DOCK3: variants seen among roughly 807,000 people sequenced by gnomAD.
The protein encoded by DOCK3 is dedicator of cytokinesis 3.
Under a neutral mutation model 265.6 loss-of-function variants are expected in DOCK3, and 60 were observed. The observed-to-expected ratio is 0.23, with a 90% CI of 0.18 to 0.28. The LOEUF (loss-of-function observed/expected upper bound fraction) is 0.28. Among genes scored for constraint, DOCK3 ranks in the 10% least tolerant of loss-of-function variants. DOCK3 has a pLI of 1.00. For synonymous variants in DOCK3, 881 were observed against 938.0 expected (o/e 0.94, Z 1.11); for missense variants, 1,981 against 2,594.3 (o/e 0.76, Z 5.14).
chr3:51,036,761 C>A (rs1264658874), intron 5 of DOCK3, among the ~76,000 whole-genome samples: 2 of 152,030 alleles, frequency 1.3e-5, no homozygotes, highest in Non-Finnish European at 2.9e-5. Context: ...GTAACTCCAA[C>A]AGTTGCCATG....
rs541799690 is a variant in DOCK3 at position 51,319,259 on chromosome 3, T to TA, written c.3402+4135dup. On this transcript the variant is annotated intron_variant, in intron 32 of 52. Transcript: ENST00000266037. The stretch of plus-strand genomic sequence containing the variant: ...TATCATGGGTAAATAGTATTTAAGA[T>TA]AAAACAGTTTGGGAGTGTGTAGCTC... Among the ~76,000 whole-genome samples the TA allele has an allele frequency of 5.9e-5, 9 of 152,308 alleles. No homozygotes were observed. In the East Asian group the frequency reaches 1.5e-3, roughly 26 times the overall value.
At chr3:51,265,127 A>G (rs2080091538) in intron 23 of DOCK3, among the ~76,000 whole-genome samples, 1 of 152,216 alleles carries the variant, frequency 6.6e-6, no homozygotes, top group Admixed American at 6.5e-5. Flanking sequence ...TCCTGGACAC[A>G]TGCGCCATCC....
chr3:50,774,038 C>A (rs1249184597), intron 1 of DOCK3, among the ~76,000 whole-genome samples: 2 of 151,846 alleles, frequency 1.3e-5, no homozygotes, highest in African/African-American at 4.8e-5. Flanking sequence ...CCAAATATTC[C>A]CAGAGTATAC....
At chr3:51,267,425 C>T (rs1392328687) in intron 23 of DOCK3, among the ~76,000 whole-genome samples, 1 of 147,170 alleles carries the variant, frequency 6.8e-6, no homozygotes, top group Admixed American at 6.8e-5. Context: ...ACTCTTGTTG[C>T]CCAAGCTGGA....
At chr3:51,362,981 A>T (rs2086849808) in intron 49 of DOCK3, among the ~76,000 whole-genome samples, 1 of 152,254 alleles carries the variant, frequency 6.6e-6, no homozygotes, top group Admixed American at 6.5e-5. Flanking sequence ...ACAAAGATCA[A>T]AGTCTAGGCA....
intron 12 of DOCK3, among the ~76,000 whole-genome samples, chr3:51,202,562 G>A (rs1162819914): frequency 6.6e-6 from 1 of 152,104 alleles, no homozygotes; most frequent in Admixed American, 6.6e-5. Flanking sequence ...GGACCAGATG[G>A]ATTCACAGCC....
At chr3:51,267,029 A>C (rs1194771559) in intron 23 of DOCK3, among the ~76,000 whole-genome samples, 2 of 152,220 alleles carry the variant, frequency 1.3e-5, no homozygotes, top group Non-Finnish European at 2.9e-5. Context: ...ACACTTCTCA[A>C]AAGAAGACAT....
intron 1 of DOCK3, among the ~76,000 whole-genome samples, chr3:50,705,379 G>A (rs1310850958): frequency 1.3e-5 from 2 of 152,040 alleles, no homozygotes; most frequent in African/African-American, 4.8e-5. Flanking sequence ...TCCCTTGATA[G>A]TGAGTGAATT....
intron 32 of DOCK3, among the ~76,000 whole-genome samples, chr3:51,317,403 T>C (rs191486894): frequency 6.6e-5 from 10 of 151,034 alleles, no homozygotes; most frequent in Admixed American, 5.3e-4. Context: ...GTGGTAACTA[T>C]AGTTAATAAT....
At chr3:51,290,976 G>A (rs927726471) in intron 27 of DOCK3, among the ~76,000 whole-genome samples, 1 of 152,184 alleles carries the variant, frequency 6.6e-6, no homozygotes, top group African/African-American at 2.4e-5. Flanking sequence ...TACTTGGGAG[G>A]CTGAGGCAGA....
chr3:50,786,934 A>G (rs2042213661), intron 2 of DOCK3: 1 of 738,726 alleles, frequency 1.4e-6, no homozygotes. Flanking sequence ...ATGATTTTCC[A>G]CAGGTTTCAC....
chr3:51,345,082 T>C (rs1273277991), intron 38 of DOCK3, among the ~76,000 whole-genome samples: 1 of 152,200 alleles, frequency 6.6e-6, no homozygotes, highest in Non-Finnish European at 1.5e-5. Context: ...ATGGATTGGC[T>C]CTTGGCAGGC....
intron 51 of DOCK3, among the ~76,000 whole-genome samples, chr3:51,378,051 G>A (rs551075676): frequency 6.6e-6 from 1 of 152,254 alleles, no homozygotes; most frequent in South Asian, 2.1e-4. Context: ...ATGGGTGAGT[G>A]GGCCTGTTCT....
At chr3:51,004,714 GTTT>G (rs56348225) in intron 5 of DOCK3, among the ~76,000 whole-genome samples, 151 of 118,706 alleles carry the variant, frequency 1.3e-3, no homozygotes, top group African/African-American at 2.3e-3. Flanking sequence ...AGAGATTTAA[GTTT>G]TTTTTTTTTT....
At chr3:50,743,746 C>G (rs1328224017) in intron 1 of DOCK3, among the ~76,000 whole-genome samples, 1 of 152,138 alleles carries the variant, frequency 6.6e-6, no homozygotes, top group Non-Finnish European at 1.5e-5. Context: ...TAATGGGGGA[C>G]TTTAACAGTC....
intron 12 of DOCK3, among the ~76,000 whole-genome samples, chr3:51,195,340 T>G (rs549342846): frequency 6.6e-6 from 1 of 152,324 alleles, no homozygotes; most frequent in African/African-American, 2.4e-5. Flanking sequence ...GCTGGACGTC[T>G]GCAGTGGTAC....
intron 2 of DOCK3, chr3:50,787,690 G>A: frequency 7.8e-7 from 1 of 1,289,708 alleles, no homozygotes; most frequent in Non-Finnish European, 1.1e-6. Flanking sequence ...AGTGGTAGCT[G>A]CAGCAACAGA....
chr3:50,850,048 T>C (rs1285395463), intron 3 of DOCK3, among the ~76,000 whole-genome samples: 1 of 151,922 alleles, frequency 6.6e-6, no homozygotes, highest in African/African-American at 2.4e-5. Context: ...CCTTTTAAGA[T>C]GTTTATCTCT....
intron 22 of DOCK3, among the ~76,000 whole-genome samples, chr3:51,249,672 G>C (rs1467547431): frequency 8.2e-6 from 1 of 122,664 alleles, no homozygotes; most frequent in Non-Finnish European, 1.7e-5. Context: ...CCCCCCACCC[G>C]GCCAGCCGCC....
Sources: gnomAD v4.1 joint callset for allele counts (sites outside exome capture counted in the v4.1 genomes callset) on GRCh38, gnomAD v4.1.1 for gene constraint, MANE v1.5 for transcripts, NCBI Gene and HGNC (gene_info 2026-07-23, HGNC 2026-07-21) for gene names.